MS4A10: variants seen among roughly 807,000 people sequenced by gnomAD.
MS4A10 encodes membrane-spanning 4-domains subfamily A member 10.
In MS4A10, 27 loss-of-function variants were observed where a neutral mutation model predicts 27.7. The observed-to-expected ratio is 0.98, with a 90% CI of 0.72 to 1.35. The LOEUF (loss-of-function observed/expected upper bound fraction) is 1.35, where lower values mean the gene tolerates loss of function less well. Among genes scored for constraint, MS4A10 ranks in the 40% most tolerant of loss-of-function variants. The pLI, the probability that MS4A10 is intolerant of heterozygous loss-of-function variation, is 0.00. For missense variants in MS4A10, 338 were observed against 324.7 expected (o/e 1.04, Z -0.32); for synonymous variants, 139 against 131.2 (o/e 1.06, Z -0.41).
Position 60,787,521 on chromosome 11 carries a change from A to G in MS4A10, c.-23+2100A>G, listed in dbSNP as rs111626278. 4.2e-3 allele frequency among the ~76,000 whole-genome samples: 645 copies of G among 152,296 alleles called. 3 individuals are homozygous for G. The highest frequency in any genetic ancestry group is 0.028 in the South Asian group (134 of 4,828). On this transcript the variant is annotated intron_variant, in intron 1 of 7. Transcript: ENST00000308287. Reference sequence around the variant, plus strand: ...CTCTCTATCCCGTGAGAGAAGTATTATATTTAAAGTTGGAAGGGACCTTAG... The same window carrying G: ...CTCTCTATCCCGTGAGAGAAGTATTGTATTTAAAGTTGGAAGGGACCTTAG...
intron 3 of MS4A10, 49 bp downstream of exon 3, chr11:60,791,142 G>A (rs749572596): frequency 7.5e-6 from 12 of 1,605,402 alleles, no homozygotes; most frequent in Non-Finnish European, 7.6e-6. Flanking sequence ...TGCAAGGCAG[G>A]CCTGGGAGGC....
Position 60,795,745 on chromosome 11 carries a change from T to C in MS4A10, c.603+80T>C, listed in dbSNP as rs1854518700. The stretch of plus-strand genomic sequence containing the variant: ...AGAGAGCTCAGAAAGGAAAGATATG[T>C]GGGGGTTACAAGAGGAGCGTGTTTC... On this transcript the variant is annotated intron_variant, in intron 6 of 7. Coordinates refer to ENST00000308287, the MANE Select transcript of MS4A10 (RefSeq NM_206893.4). 3.5e-6 allele frequency: 3 copies of C among 852,050 alleles called. No homozygotes were observed. In the African/African-American group the frequency reaches 5.3e-5, roughly 15 times the overall value. The allele number at this position is 852,050 out of a possible 1,614,324, so 52.8% of individuals were successfully genotyped here.
At chr11:60,798,371 A>G (rs766248538) in intron 6 of MS4A10, 25 bp from the exon 7 acceptor site, 1 of 1,554,686 alleles carries the variant, frequency 6.4e-7, no homozygotes, top group Non-Finnish European at 8.9e-7. Flanking sequence ...TGTGAGCAGC[A>G]GGGGCGGCGA....
At chr11:60,799,711 C>G (rs1854599386) in intron 7 of MS4A10, 117 bp from the exon 8 acceptor site, 1 of 668,540 alleles carries the variant, frequency 1.5e-6, no homozygotes, top group Non-Finnish European at 2.8e-6. Flanking sequence ...CTCTTTGAAT[C>G]TTTACTGGGC....
Position 60,793,969 on chromosome 11 carries a change from TAGA to T in MS4A10, c.362_364del (p.Lys121del), listed in dbSNP as rs774360011. The T allele has an allele frequency of 8.7e-6, 14 of 1,613,904 alleles. No individual in the cohort carries two copies. The South Asian group carries it at 1.2e-4, about 14-fold the overall frequency. ...AGCTGTTACCTTTATTTTTCACCTA[TAGA>T]AGATGTTGTGCCTGATGACAAACCT... On this transcript the variant is annotated splice_acceptor_variant and coding_sequence_variant, in exon 5 of 8. Coordinates refer to ENST00000308287, the MANE Select transcript of MS4A10 (RefSeq NM_206893.4). LOFTEE classifies it high-confidence loss of function.
At chr11:60,786,074 C>G (rs1854330177) in intron 1 of MS4A10, among the ~76,000 whole-genome samples, 1 of 152,016 alleles carries the variant, frequency 6.6e-6, no homozygotes, top group Non-Finnish European at 1.5e-5. Flanking sequence ...ACCCCCAACA[C>G]CAGCCTGCCT....
intron 3 of MS4A10, among the ~76,000 whole-genome samples, chr11:60,792,015 C>T (rs1337922460): frequency 6.6e-6 from 1 of 152,162 alleles, no homozygotes; most frequent in Non-Finnish European, 1.5e-5. Context: ...GTGCAGGGCA[C>T]AGCTTGGTCC....
intron 4 of MS4A10, 90 bp from the exon 5 acceptor site, chr11:60,793,882 A>T: frequency 6.9e-7 from 1 of 1,446,588 alleles, no homozygotes; most frequent in Non-Finnish European, 9.5e-7. Flanking sequence ...TCCTGAGGCT[A>T]CAGAGGAAGC....
At chr11:60,786,674 G>A (rs1465885112) in intron 1 of MS4A10, among the ~76,000 whole-genome samples, 9 of 152,216 alleles carry the variant, frequency 5.9e-5, no homozygotes, top group Non-Finnish European at 2.9e-5. Flanking sequence ...CCAGATGATA[G>A]GGATGGGGTG....
intron 1 of MS4A10, among the ~76,000 whole-genome samples, chr11:60,789,994 A>C (rs1265933482): frequency 6.6e-6 from 1 of 151,660 alleles, no homozygotes; most frequent in Non-Finnish European, 1.5e-5. Flanking sequence ...GCACCTCCCA[A>C]CTCTTCCAAA....
At chr11:60,792,454 A>T (rs1260660475) in intron 4 of MS4A10, 133 bp downstream of exon 4, 1 of 701,830 alleles carries the variant, frequency 1.4e-6, no homozygotes, top group African/African-American at 1.8e-5. Flanking sequence ...CCTTCAGGAC[A>T]GCAGAGGATG....
At chr11:60,793,935 C>A in intron 4 of MS4A10, 37 bp from the exon 5 acceptor site, 1 of 1,611,084 alleles carries the variant, frequency 6.2e-7, no homozygotes, top group Non-Finnish European at 8.5e-7. Flanking sequence ...AGGTCTCCAC[C>A]CTTTGGACAG....
chr11:60,787,981 C>T (rs1854367759), intron 1 of MS4A10, among the ~76,000 whole-genome samples: 1 of 152,064 alleles, frequency 6.6e-6, no homozygotes, highest in Non-Finnish European at 1.5e-5. Flanking sequence ...TACGCCACTA[C>T]ACTCCAGCCT....
In MS4A10 at chr11:60,792,277, G is replaced by A. The variant is rs777178325; in HGVS notation, c.316G>A (p.Gly106Arg). ...ATCTGTCCTGCAGTTTCTCATTTCA[G>A]GGATCTTGGCGATAACAATGAAGAC... ...FWGAASFLISGILAITMKTFS... is the reference protein window; with the variant it reads ...FWGAASFLISRILAITMKTFS... Residue 106 changes from glycine (G) to arginine (R), a missense_variant, in exon 4 of 8, where the codon GGG (glycine) becomes AGG (arginine). Transcript: ENST00000308287. 1 of 1,613,794 alleles carries A rather than the reference G, an allele frequency of 6.2e-7. No homozygotes were observed. Among genetic ancestry groups the A allele is most frequent in the Admixed American group, 1.7e-5 (1 of 60,020 alleles).
In MS4A10 at chr11:60,799,916, A is replaced by G. The variant is rs748450357; in HGVS notation, c.*7A>G. ...GACCCAGACTGCAAACTGAAGAGCC[A>G]CTGCCTGACAATGCCCAAACTTGGT... On this transcript the variant is annotated 3_prime_UTR_variant, in exon 8 of 8. Coordinates refer to ENST00000308287, the MANE Select transcript of MS4A10 (RefSeq NM_206893.4). The G allele has an allele frequency of 1.1e-5, 17 of 1,614,098 alleles. No homozygotes were observed. The highest frequency in any genetic ancestry group is 1.4e-5 in the Non-Finnish European group (17 of 1,180,038).
intron 1 of MS4A10, among the ~76,000 whole-genome samples, chr11:60,786,748 A>T (rs1590994742): frequency 1.3e-5 from 2 of 152,138 alleles, no homozygotes. Flanking sequence ...GATTCTAGAC[A>T]CGCAACAGGC....
intron 4 of MS4A10, 117 bp from the exon 5 acceptor site, chr11:60,793,855 G>T: frequency 8.3e-7 from 1 of 1,207,788 alleles, no homozygotes; most frequent in Non-Finnish European, 1.2e-6. Context: ...CTTGGGCCCA[G>T]TGACAGGCAG....
At position 60,800,140 on chromosome 11, in the gene MS4A10, C is replaced by T. The variant is rs1047688346; in HGVS notation, c.*231C>T. On this transcript the variant is annotated 3_prime_UTR_variant, in exon 8 of 8. Coordinates refer to ENST00000308287, the MANE Select transcript of MS4A10 (RefSeq NM_206893.4). ...TGGCCCAGATTGTTTTGTTTTGTTT[C>T]GCTTTGTTTTGTTTTCTTTTGTTTT... The T allele has an allele frequency of 3.4e-6, 2 of 592,818 alleles. No individual in the cohort carries two copies. The highest frequency in any genetic ancestry group is 2.9e-6 in the Non-Finnish European group (1 of 348,530). The allele number at this position is 592,818 out of a possible 1,614,324, so 36.7% of individuals were successfully genotyped here.
At position 60,793,969 on chromosome 11, in the gene MS4A10, T is replaced by C. The variant is rs1854477662; in HGVS notation, c.361-3T>C. The stretch of plus-strand genomic sequence containing the variant: ...AGCTGTTACCTTTATTTTTCACCTA[T>C]AGAAGATGTTGTGCCTGATGACAAA... On this transcript the variant is annotated splice_polypyrimidine_tract_variant and splice_region_variant and intron_variant, in intron 4 of 7. Transcript: ENST00000308287. The C allele has an allele frequency of 6.2e-7, 1 of 1,613,904 alleles. No homozygotes were observed. Among genetic ancestry groups the C allele is most frequent in the Non-Finnish European group, 8.5e-7 (1 of 1,180,000 alleles).
Sources: gnomAD v4.1 joint callset for allele counts (sites outside exome capture counted in the v4.1 genomes callset) on GRCh38, gnomAD v4.1.1 for gene constraint, MANE v1.5 for transcripts, NCBI Gene and HGNC (gene_info 2026-07-23, HGNC 2026-07-21) for gene names.